KCNIP3: variants seen among roughly 807,000 people sequenced by gnomAD.
The protein encoded by KCNIP3 is calsenilin.
In KCNIP3, 28 loss-of-function variants were observed where a neutral mutation model predicts 35.0. That is an observed-to-expected ratio of 0.80 (90% CI 0.59 to 1.10). The LOEUF (loss-of-function observed/expected upper bound fraction) is 1.10. Ranked by LOEUF, KCNIP3 falls within the 50% of genes least tolerant of loss-of-function variation. The probability of loss-of-function intolerance (pLI) is 0.00; values close to 1 mark genes in which losing one functional copy is unlikely to be tolerated. For synonymous variants in KCNIP3, 134 were observed against 133.8 expected, an observed-to-expected ratio of 1.00 and a Z score of -0.01; for missense variants, 295 against 338.4, an observed-to-expected ratio of 0.87 and a Z score of 1.01.
intron 2 of KCNIP3, among the ~76,000 whole-genome samples, chr2:95,366,534 G>A (rs1679921217): frequency 6.6e-6 from 1 of 152,028 alleles, no homozygotes. Context: ...CATTTCATTT[G>A]GGTAAATAAC....
chr2:95,311,183 A>T (rs1327887814), intron 2 of KCNIP3: 1 of 157,832 alleles, frequency 6.3e-6, no homozygotes, highest in Non-Finnish European at 1.4e-5. Flanking sequence ...TCTCACACAC[A>T]CATTCAGACA....
chr2:95,311,302 TACAC>T (rs887433227), intron 2 of KCNIP3: 4 of 152,708 alleles, frequency 2.6e-5, no homozygotes, highest in African/African-American at 9.7e-5. Flanking sequence ...CATACTCACA[TACAC>T]ACACCACATG....
At chr2:95,383,114 C>T (rs58372613) in intron 7 of KCNIP3, 118 bp from the exon 8 acceptor site, 181,996 of 400,136 alleles carry the variant, frequency 0.45, 39,753 homozygotes, top group Middle Eastern at 0.6. Context: ...GGAGGGAGCC[C>T]ACCCGCCCAT....
rs565609076 is a variant in KCNIP3, at chr2:95,304,332, C to CACCA, written c.16-6022_16-6019dup. Among the ~76,000 whole-genome samples, 15 of 152,276 alleles carry CACCA rather than the reference C, an allele frequency of 9.9e-5. No individual in the cohort carries two copies. In the South Asian group the frequency reaches 1.5e-3, roughly 15 times the overall value. ...GCCGGGAGCAGAAGTGGAAGGTAAC[C>CACCA]ACCACATTGCCATGAAATAAGGCAG... On this transcript the variant is annotated intron_variant, in intron 1 of 8. Transcript: ENST00000295225.
In KCNIP3 at chr2:95,381,722, C is replaced by A. The variant is rs753533406; in HGVS notation, c.555+19C>A. On this transcript the variant is annotated intron_variant, in intron 6 of 8. Coordinates refer to ENST00000295225, the MANE Select transcript of KCNIP3 (RefSeq NM_013434.5). Reference sequence around the variant, plus strand: ...CAAAGAGGTAGTAGGGGGCTGGGGGCAGGGATTGTCCCCTCCTCCCCTCCT... The same window carrying A: ...CAAAGAGGTAGTAGGGGGCTGGGGGAAGGGATTGTCCCCTCCTCCCCTCCT... The A allele has an allele frequency of 2.6e-6, 4 of 1,538,504 alleles. No individual in the cohort carries two copies. In the Admixed American group the frequency reaches 6.7e-5, roughly 26 times the overall value.
chr2:95,340,836 A>G (rs940197522), intron 2 of KCNIP3, among the ~76,000 whole-genome samples: 1 of 152,200 alleles, frequency 6.6e-6, no homozygotes, highest in Non-Finnish European at 1.5e-5. Context: ...TCTTGCTGAT[A>G]CCACTGCATC....
At chr2:95,315,681 T>C (rs1478969325) in intron 2 of KCNIP3, among the ~76,000 whole-genome samples, 1 of 152,162 alleles carries the variant, frequency 6.6e-6, no homozygotes, top group Non-Finnish European at 1.5e-5. Flanking sequence ...TGGGCCTCAG[T>C]GTCACCTAGA....
At position 95,315,771 on chromosome 2, in the gene KCNIP3, A is replaced by G. The variant is rs568317982; in HGVS notation, c.181+5251A>G. Among the ~76,000 whole-genome samples, 37 of 137,404 alleles carry G rather than the reference A, an allele frequency of 2.7e-4. No homozygotes were observed. The South Asian group carries it at 9.0e-3, about 33-fold the overall frequency. 90.1% of individuals were successfully genotyped at this position (137,404 alleles called of 152,430 possible). ...CCTCCTCAGACGGCTTCGAGACCGT[A>G]GGGGGCGGGTGGGCTGTGGGGAAAG... On this transcript the variant is annotated intron_variant, in intron 2 of 8. Transcript: ENST00000295225.
chr2:95,323,901 G>A (rs973144068), intron 2 of KCNIP3, among the ~76,000 whole-genome samples: 4 of 152,170 alleles, frequency 2.6e-5, no homozygotes, highest in African/African-American at 9.7e-5. Context: ...TATGGATGAG[G>A]GGCCAGCTCC....
intron 2 of KCNIP3, among the ~76,000 whole-genome samples, chr2:95,357,505 G>C (rs948174013): frequency 2.0e-5 from 3 of 152,136 alleles, no homozygotes; most frequent in Non-Finnish European, 2.9e-5. Context: ...AGCTCCGGTC[G>C]TCTAGAGGCT....
chr2:95,336,681 T>G (rs1242473051), intron 2 of KCNIP3, among the ~76,000 whole-genome samples: 1 of 152,220 alleles, frequency 6.6e-6, no homozygotes, highest in African/African-American at 2.4e-5. Context: ...AGTTTTGTTT[T>G]GGCGAGCATT....
chr2:95,381,319 A>G (rs1463966630), intron 5 of KCNIP3, among the ~76,000 whole-genome samples: 1 of 152,160 alleles, frequency 6.6e-6, no homozygotes, highest in Non-Finnish European at 1.5e-5. Context: ...AGGTTCACAC[A>G]TACAGATGCA....
At chr2:95,308,039 CGTGT>C (rs1302076197) in intron 1 of KCNIP3, among the ~76,000 whole-genome samples, 2 of 152,172 alleles carry the variant, frequency 1.3e-5, no homozygotes, top group South Asian at 2.1e-4. Context: ...AGCATGTGTA[CGTGT>C]GTGTGCCTAT....
chr2:95,383,519 C>G (rs1313724324), intron 8 of KCNIP3, among the ~76,000 whole-genome samples: 1 of 152,170 alleles, frequency 6.6e-6, no homozygotes, highest in Non-Finnish European at 1.5e-5. Context: ...AGCATCCCCC[C>G]ACTACCCCCA....
chr2:95,335,995 GTTA>G (rs761838531), intron 2 of KCNIP3, among the ~76,000 whole-genome samples: 1 of 151,904 alleles, frequency 6.6e-6, no homozygotes, highest in Non-Finnish European at 1.5e-5. Context: ...CTGTTCCTCC[GTTA>G]TTATCATCTG....
intron 2 of KCNIP3, among the ~76,000 whole-genome samples, chr2:95,344,055 C>T (rs1438824347): frequency 6.6e-6 from 1 of 152,178 alleles, no homozygotes; most frequent in Non-Finnish European, 1.5e-5. Context: ...CATTGCCCCT[C>T]AACTTGTCCC....
intron 5 of KCNIP3, among the ~76,000 whole-genome samples, chr2:95,379,671 G>A (rs1456599026): frequency 6.6e-6 from 1 of 152,198 alleles, no homozygotes; most frequent in Non-Finnish European, 1.5e-5. Context: ...TTGATCCATT[G>A]TAGGGACCAG....
In KCNIP3 at chr2:95,382,522, A is replaced by C. The variant is rs1211900912; in HGVS notation, c.660+41A>C. ...CCCTGCCTAGGGAGGGGAGCCTGGC[A>C]GAGGAAGGGGCTCTCGCTTTTGGGG... On this transcript the variant is annotated intron_variant, in intron 7 of 8. Coordinates refer to ENST00000295225, the MANE Select transcript of KCNIP3 (RefSeq NM_013434.5). This position sits in a 1 kb window ranked among gnomAD's most constrained non-coding sequence, Gnocchi z 4.5. 6 of 1,469,036 alleles carry C rather than the reference A, an allele frequency of 4.1e-6. No individual in the cohort carries two copies. The highest frequency in any genetic ancestry group is 4.7e-6 in the Non-Finnish European group (5 of 1,074,108). 91.0% of individuals were successfully genotyped at this position (1,469,036 alleles called of 1,614,324 possible).
chr2:95,339,322 G>A (rs1043183617), intron 2 of KCNIP3, among the ~76,000 whole-genome samples: 4 of 152,184 alleles, frequency 2.6e-5, no homozygotes, highest in Non-Finnish European at 5.9e-5. Context: ...GCTCACACCT[G>A]TAATCTCAGC....
Sources: allele counts gnomAD v4.1 joint callset (sites outside exome capture counted in the v4.1 genomes callset), GRCh38; gene constraint gnomAD v4.1.1; non-coding constraint Gnocchi (gnomAD v3.1); transcripts MANE v1.5; gene names NCBI Gene and HGNC (gene_info 2026-07-23, HGNC 2026-07-21).